Variants in GABPB1 observed in about 807,000 individuals in gnomAD.
GABPB1 encodes GA binding protein transcription factor subunit beta 1.
Under a neutral mutation model 45.9 loss-of-function variants are expected in GABPB1, and 15 were observed. That is an observed-to-expected ratio of 0.33 (90% CI 0.22 to 0.50). The LOEUF (loss-of-function observed/expected upper bound fraction) is 0.50, where lower values mean the gene tolerates loss of function less well. Among genes scored for constraint, GABPB1 ranks in the 20% least tolerant of loss-of-function variants. The pLI is 0.98. For synonymous variants in GABPB1, 143 were observed against 154.4 expected (o/e 0.93, Z 0.55); for missense variants, 252 against 457.5 (o/e 0.55, Z 4.10).
chr15:50,322,120 C>T (rs899641654), intron 1 of GABPB1, among the ~76,000 whole-genome samples: 2 of 152,152 alleles, frequency 1.3e-5, no homozygotes, highest in African/African-American at 2.4e-5. Flanking sequence ...ATAGAAAAAT[C>T]TAGGCAGGAA....
chr15:50,304,159 C>T, intron 2 of GABPB1, 26 bp from the exon 3 acceptor site: 6 of 1,475,898 alleles, frequency 4.1e-6, no homozygotes, highest in Non-Finnish European at 3.7e-6. Flanking sequence ...AAAAAAAAAT[C>T]CACATTTACA....
chr15:50,307,245 T>C (rs2046981060), intron 2 of GABPB1, among the ~76,000 whole-genome samples: 2 of 152,236 alleles, frequency 1.3e-5, no homozygotes, highest in Non-Finnish European at 2.9e-5. Flanking sequence ...CTGTTTTTGC[T>C]AATCTGGTGG....
intron 1 of GABPB1, among the ~76,000 whole-genome samples, chr15:50,322,356 C>T (rs1396903102): frequency 1.3e-5 from 2 of 149,384 alleles, no homozygotes; most frequent in Admixed American, 1.4e-4. Flanking sequence ...GAGTTTAAGA[C>T]CACCCTGGCC....
chr15:50,313,497 T>C (rs917933690), intron 1 of GABPB1, among the ~76,000 whole-genome samples: 1 of 152,050 alleles, frequency 6.6e-6, no homozygotes, highest in Admixed American at 6.6e-5. Context: ...CTTCTAAGAA[T>C]CTATTCTAAA....
intron 1 of GABPB1, among the ~76,000 whole-genome samples, chr15:50,321,443 G>A (rs1164033842): frequency 6.6e-6 from 1 of 152,126 alleles, no homozygotes; most frequent in Non-Finnish European, 1.5e-5. Context: ...CTTTCTTTCA[G>A]TAACCATAAC....
At chr15:50,343,214 A>G (rs1443354083) in intron 1 of GABPB1, among the ~76,000 whole-genome samples, 1 of 151,816 alleles carries the variant, frequency 6.6e-6, no homozygotes, top group Non-Finnish European at 1.5e-5. Context: ...TAACATTTGA[A>G]GCATAATCTG....
At chr15:50,310,975 C>CAA (rs34615409) in intron 1 of GABPB1, among the ~76,000 whole-genome samples, 10 of 123,134 alleles carry the variant, frequency 8.1e-5, no homozygotes, top group Non-Finnish European at 7.0e-5. Context: ...AACTCTGTCT[C>CAA]AAAAAAAAAA....
chr15:50,330,863 TAAG>T (rs1170846769), intron 1 of GABPB1, among the ~76,000 whole-genome samples: 11 of 151,974 alleles, frequency 7.2e-5, no homozygotes, highest in Admixed American at 7.2e-4. Context: ...AAGAAGTAAA[TAAG>T]TAGTAGTAGT....
chr15:50,281,817 G>A (rs1016166697), intron 8 of GABPB1, among the ~76,000 whole-genome samples: 1 of 152,112 alleles, frequency 6.6e-6, no homozygotes, highest in African/African-American at 2.4e-5. Flanking sequence ...TATAGACTGG[G>A]TGCTGGGCAT....
In GABPB1 at chr15:50,277,660, TA is replaced by T. The variant is rs1188746803; in HGVS notation, c.*971del. Reference sequence around the variant, plus strand: ...GTAAGAATCATTTCCTGGGGAGAAATAAGTCCATAAAATATTTCAGAAACCC... The same window carrying T: ...GTAAGAATCATTTCCTGGGGAGAAATAGTCCATAAAATATTTCAGAAACCC... On this transcript the variant is annotated 3_prime_UTR_variant, in exon 9 of 9. Transcript: ENST00000380877. The T allele has an allele frequency of 1.4e-4, 22 of 152,662 alleles. No homozygotes were observed. Among genetic ancestry groups the T allele is most frequent in the African/African-American group, 4.6e-4 (19 of 41,554 alleles). 9.5% of individuals were successfully genotyped at this position (152,662 alleles called of 1,614,324 possible). A position where few individuals can be genotyped will look rare whatever the true frequency, so the allele number is the denominator to read the frequency against.
At chr15:50,349,157 T>C (rs2048723580) in intron 1 of GABPB1, 1 of 152,200 alleles carries the variant, frequency 6.6e-6, no homozygotes, top group South Asian at 2.1e-4. Context: ...ACAGTCTTTA[T>C]CCTATTTAGT....
At chr15:50,283,940 T>A (rs751090528) in intron 8 of GABPB1, among the ~76,000 whole-genome samples, 18 of 152,258 alleles carry the variant, frequency 1.2e-4, no homozygotes, top group Non-Finnish European at 1.8e-4. Flanking sequence ...AATCTCAGCA[T>A]CACTGATATT....
chr15:50,288,844 G>A (rs1218278244), intron 7 of GABPB1, among the ~76,000 whole-genome samples: 1 of 149,678 alleles, frequency 6.7e-6, no homozygotes, highest in Non-Finnish European at 1.5e-5. Flanking sequence ...TTCTTTTTCT[G>A]AGAAAGAGTT....
At chr15:50,297,702 G>C (rs1011902032) in intron 6 of GABPB1, among the ~76,000 whole-genome samples, 31 of 152,258 alleles carry the variant, frequency 2.0e-4, no homozygotes, top group Non-Finnish European at 1.3e-4. Context: ...GAGAGTGGTG[G>C]CGTGTGCCTG....
At position 50,278,895 on chromosome 15, in the gene GABPB1, C is replaced by A. The variant is rs566923970; in HGVS notation, c.1000-111G>T. On this transcript the variant is annotated intron_variant, in intron 8 of 8. Transcript: ENST00000380877. Reference sequence around the variant, plus strand: ...AAAAAACCGTAGTAGCTAAAAGCAGCCACCTATTGAAATTTCCTAGACATC... The same window carrying A: ...AAAAAACCGTAGTAGCTAAAAGCAGACACCTATTGAAATTTCCTAGACATC... 359 of 794,562 alleles carry A rather than the reference C, an allele frequency of 4.5e-4. 1 individual carries two copies. Among genetic ancestry groups the A allele is most frequent in the Admixed American group, 1.5e-3 (43 of 29,392 alleles). 49.2% of individuals were successfully genotyped at this position (794,562 alleles called of 1,614,324 possible). A position where few individuals can be genotyped will look rare whatever the true frequency, so the allele number is the denominator to read the frequency against.
chr15:50,330,332 T>G (rs1258131470), intron 1 of GABPB1, among the ~76,000 whole-genome samples: 1 of 152,198 alleles, frequency 6.6e-6, no homozygotes, highest in Non-Finnish European at 1.5e-5. Flanking sequence ...GTTTTACAGC[T>G]GCATAGTACT....
At chr15:50,318,692 G>A (rs1420482647) in intron 1 of GABPB1, among the ~76,000 whole-genome samples, 4 of 152,172 alleles carry the variant, frequency 2.6e-5, no homozygotes, top group African/African-American at 9.7e-5. Flanking sequence ...GTTCCAGGAA[G>A]GAGGTCTCCA....
At chr15:50,310,267 A>G (rs2047085657) in intron 1 of GABPB1, among the ~76,000 whole-genome samples, 1 of 151,776 alleles carries the variant, frequency 6.6e-6, no homozygotes, top group South Asian at 2.1e-4. Context: ...TAATTTTTCT[A>G]TTTTCAGTAG....
intron 1 of GABPB1, among the ~76,000 whole-genome samples, chr15:50,310,318 C>T (rs1052064042): frequency 1.3e-5 from 2 of 152,160 alleles, no homozygotes; most frequent in Non-Finnish European, 2.9e-5. Context: ...GTCTCAAACT[C>T]CTGACCTCAA....
Sources: gnomAD v4.1 joint callset for allele counts (sites outside exome capture counted in the v4.1 genomes callset) on GRCh38, gnomAD v4.1.1 for gene constraint, MANE v1.5 for transcripts, NCBI Gene and HGNC (gene_info 2026-07-23, HGNC 2026-07-21) for gene names.